PPARGC1A: variants seen among roughly 807,000 people sequenced by gnomAD.
The protein encoded by PPARGC1A is PPARG coactivator 1 alpha, also known as peroxisome proliferator-activated receptor gamma coactivator 1-alpha.
PPARGC1A carries 25 observed loss-of-function variants against 88.7 expected under a neutral mutation model. The ratio of observed to expected loss-of-function variants is 0.28; its 90% confidence interval spans 0.21 to 0.39. The LOEUF is 0.39. Among genes scored for constraint, PPARGC1A ranks in the 10% least tolerant of loss-of-function variants. PPARGC1A has a pLI of 1.00. For missense variants in PPARGC1A, 880 were observed against 968.7 expected (o/e 0.91, Z 1.22); for synonymous variants, 363 against 355.6 (o/e 1.02, Z -0.24).
chr4:24,386,070 A>T, the PPARGC1A span, among the ~76,000 whole-genome samples: 1 of 152,232 alleles, frequency 6.6e-6, no homozygotes, highest in African/African-American at 2.4e-5. Flanking sequence ...CATCCCTGGG[A>T]TGCAAGGCTG....
chr4:24,467,676 T>G, the PPARGC1A span, among the ~76,000 whole-genome samples: 1 of 145,556 alleles, frequency 6.9e-6, no homozygotes, highest in East Asian at 2.0e-4. Context: ...AAAAAAAAAA[T>G]GGGCAGTCAG....
the PPARGC1A span, among the ~76,000 whole-genome samples, chr4:24,278,541 T>C: frequency 3.5e-4 from 53 of 152,144 alleles, no homozygotes; most frequent in East Asian, 9.3e-3. Flanking sequence ...AAACAGACAG[T>C]GGACAAATTT....
the PPARGC1A span, among the ~76,000 whole-genome samples, chr4:24,173,849 T>A: frequency 6.6e-6 from 1 of 152,224 alleles, no homozygotes; most frequent in Admixed American, 6.5e-5. Flanking sequence ...CACCCATCAT[T>A]GCCACTACAG....
At chr4:24,207,436 A>C in the PPARGC1A span, among the ~76,000 whole-genome samples, 5 of 152,246 alleles carry the variant, frequency 3.3e-5, no homozygotes, top group Non-Finnish European at 1.5e-5. Flanking sequence ...AAATTTGAAG[A>C]ACATACTTCA....
chr4:24,394,966 A>C, the PPARGC1A span, among the ~76,000 whole-genome samples: 1 of 152,248 alleles, frequency 6.6e-6, no homozygotes. Context: ...CATATCTTGT[A>C]CAATGTCCTT....
the PPARGC1A span, among the ~76,000 whole-genome samples, chr4:24,155,681 C>T: frequency 1.3e-5 from 2 of 151,568 alleles, no homozygotes; most frequent in South Asian, 4.2e-4. Context: ...TAGCTGCAAA[C>T]AAAAAACACA....
chr4:24,280,154 T>C, the PPARGC1A span, among the ~76,000 whole-genome samples: 4 of 152,278 alleles, frequency 2.6e-5, no homozygotes, highest in Admixed American at 1.3e-4. Context: ...TCCCTTCTCA[T>C]AGAGCAACTC....
the PPARGC1A span, among the ~76,000 whole-genome samples, chr4:24,007,040 C>T: frequency 2.0e-4 from 30 of 152,096 alleles, no homozygotes; most frequent in African/African-American, 7.0e-4. Context: ...ATCTTATAAT[C>T]AATAGTATGT....
At chr4:24,230,950 T>TAA in the PPARGC1A span, among the ~76,000 whole-genome samples, 11,740 of 138,558 alleles carry the variant, frequency 0.085, 796 homozygotes, top group African/African-American at 0.16. Context: ...CAGAATTTAT[T>TAA]AAAAAAAATA....
chr4:24,200,046 A>G, the PPARGC1A span, among the ~76,000 whole-genome samples: 106,581 of 152,002 alleles, frequency 0.7, 40,051 homozygotes, highest in Middle Eastern at 0.87. Flanking sequence ...GTTAAAATGG[A>G]TAAACTAGAT....
chr4:23,844,753 A>ATATATATTATAATAATATATAT, intron 2 of PPARGC1A, among the ~76,000 whole-genome samples: 1 of 106,456 alleles, frequency 9.4e-6, no homozygotes, highest in Non-Finnish European at 1.7e-5. Context: ...ATAATATATG[A>ATATATATTATAATAATATATAT]TATATATTAT....
intron 5 of PPARGC1A, 61 bp downstream of exon 5, chr4:23,828,339 T>C (rs1724361891): frequency 6.6e-7 from 1 of 1,509,832 alleles, no homozygotes; most frequent in Non-Finnish European, 9.2e-7. Flanking sequence ...TCTCAGACTT[T>C]GCATGTGCTT....
chr4:24,248,769 C>A, the PPARGC1A span, among the ~76,000 whole-genome samples: 2 of 152,124 alleles, frequency 1.3e-5, no homozygotes, highest in Non-Finnish European at 2.9e-5. Context: ...AGCAGGGGAA[C>A]GTCTAATTCT....
chr4:24,087,019 A>G, the PPARGC1A span, among the ~76,000 whole-genome samples: 1 of 152,224 alleles, frequency 6.6e-6, no homozygotes, highest in African/African-American at 2.4e-5. Flanking sequence ...CATATGCTAT[A>G]ATACCTGCTC....
chr4:24,383,296 C>T, the PPARGC1A span, among the ~76,000 whole-genome samples: 9 of 152,130 alleles, frequency 5.9e-5, no homozygotes, highest in Non-Finnish European at 1.3e-4. Flanking sequence ...CTGACAATTC[C>T]GGAAACCAAA....
At chr4:24,328,874 C>A in the PPARGC1A span, among the ~76,000 whole-genome samples, 1 of 152,174 alleles carries the variant, frequency 6.6e-6, no homozygotes, top group East Asian at 1.9e-4. Flanking sequence ...AGGTGGCTTT[C>A]ACGGGTGCTG....
At chr4:23,970,973 T>C in the PPARGC1A span, among the ~76,000 whole-genome samples, 2 of 152,202 alleles carry the variant, frequency 1.3e-5, no homozygotes, top group Admixed American at 1.3e-4. Context: ...GTTGTTAAAA[T>C]ATGAAAACAC....
At chr4:24,346,572 A>G in the PPARGC1A span, among the ~76,000 whole-genome samples, 1 of 152,102 alleles carries the variant, frequency 6.6e-6, no homozygotes, top group Non-Finnish European at 1.5e-5. Context: ...AAAGGTGTTC[A>G]TAGTAGCCTT....
the PPARGC1A span, among the ~76,000 whole-genome samples, chr4:23,959,843 G>A: frequency 3.9e-5 from 6 of 152,104 alleles, no homozygotes; most frequent in Non-Finnish European, 7.4e-5. Context: ...GGATGCACAA[G>A]TCAAGGCTGC....
Sources: allele counts gnomAD v4.1 joint callset (sites outside exome capture counted in the v4.1 genomes callset), GRCh38; gene constraint gnomAD v4.1.1; transcripts MANE v1.5; gene names NCBI Gene and HGNC (gene_info 2026-07-23, HGNC 2026-07-21).